PTPRD: variants seen among roughly 807,000 people sequenced by gnomAD.
The protein encoded by PTPRD is receptor-type tyrosine-protein phosphatase delta.
PTPRD carries 34 observed loss-of-function variants against 214.5 expected under a neutral mutation model. That is an observed-to-expected ratio of 0.16 (90% confidence interval 0.12 to 0.21). PTPRD has a LOEUF of 0.21. Ranked by LOEUF, PTPRD falls within the 10% of genes least tolerant of loss-of-function variation. The pLI is 1.00. For missense variants in PTPRD, 2,545 were observed against 2,398.7 expected, an observed-to-expected ratio of 1.06 and a Z score of -1.27; for synonymous variants, 1,128 against 845.7, an observed-to-expected ratio of 1.33 and a Z score of -5.79.
At chr9:10,370,350 G>A (rs908991555) in intron 2 of PTPRD, among the ~76,000 whole-genome samples, 3 of 152,012 alleles carry the variant, frequency 2.0e-5, no homozygotes, top group African/African-American at 7.2e-5. Flanking sequence ...AAGAGTGACT[G>A]CATTAATTTA....
At chr9:9,561,035 G>A (rs149679559) in intron 8 of PTPRD, among the ~76,000 whole-genome samples, 19 of 152,210 alleles carry the variant, frequency 1.2e-4, no homozygotes, top group Non-Finnish European at 1.2e-4. Flanking sequence ...ATGTTGAGCC[G>A]AGCTGAGCCC....
At chr9:9,041,860 C>T (rs1402344883) in intron 10 of PTPRD, among the ~76,000 whole-genome samples, 1 of 152,110 alleles carries the variant, frequency 6.6e-6, no homozygotes, top group Non-Finnish European at 1.5e-5. Context: ...TACTGGCTAT[C>T]TAGGAAAAAT....
intron 10 of PTPRD, among the ~76,000 whole-genome samples, chr9:9,123,465 C>T (rs1377654054): frequency 6.6e-6 from 1 of 152,148 alleles, no homozygotes; most frequent in Admixed American, 6.5e-5. Context: ...AATCACCAGG[C>T]TTATTGTAGT....
chr9:8,845,693 T>A (rs1011303846), intron 11 of PTPRD, among the ~76,000 whole-genome samples: 1 of 152,198 alleles, frequency 6.6e-6, no homozygotes, highest in Admixed American at 6.5e-5. Context: ...CAGCTCAACA[T>A]AAACAAGAGG....
At chr9:9,797,291 T>G (rs2099009176) in intron 5 of PTPRD, among the ~76,000 whole-genome samples, 1 of 148,028 alleles carries the variant, frequency 6.8e-6, no homozygotes, top group Admixed American at 6.8e-5. Flanking sequence ...TTGTTTGGGT[T>G]TTTTTGCATG....
chr9:10,380,839 G>C (rs1014130492), intron 2 of PTPRD, among the ~76,000 whole-genome samples: 8 of 151,752 alleles, frequency 5.3e-5, no homozygotes, highest in Non-Finnish European at 7.4e-5. Context: ...ATGTATATTT[G>C]AGTTCAATTG....
intron 2 of PTPRD, among the ~76,000 whole-genome samples, chr9:10,420,892 T>G (rs894144908): frequency 6.6e-6 from 1 of 151,734 alleles, no homozygotes; most frequent in African/African-American, 2.4e-5. Context: ...TTTCTAAGAC[T>G]CCCACATTTT....
At chr9:10,006,153 C>A (rs547701364) in intron 4 of PTPRD, among the ~76,000 whole-genome samples, 12 of 151,984 alleles carry the variant, frequency 7.9e-5, no homozygotes, top group African/African-American at 2.9e-4. Context: ...AAGAGAAGCA[C>A]TAAAAATGTA....
chr9:10,113,931 C>G (rs930918766), intron 3 of PTPRD, among the ~76,000 whole-genome samples: 1 of 152,106 alleles, frequency 6.6e-6, no homozygotes, highest in Non-Finnish European at 1.5e-5. Context: ...ATAACCTTGG[C>G]CTTTTTAATC....
chr9:10,568,479 C>T (rs902632057), intron 2 of PTPRD, among the ~76,000 whole-genome samples: 30 of 152,076 alleles, frequency 2.0e-4, no homozygotes, highest in African/African-American at 7.0e-4. Context: ...TGGGTATATA[C>T]CCAGTAATGG....
chr9:9,733,475 G>T (rs1022469424), intron 7 of PTPRD, among the ~76,000 whole-genome samples: 4 of 152,110 alleles, frequency 2.6e-5, no homozygotes, highest in Non-Finnish European at 4.4e-5. Context: ...CTGTTTGGTG[G>T]GAAGTGTGAA....
intron 8 of PTPRD, among the ~76,000 whole-genome samples, chr9:9,474,775 T>G (rs1473008014): frequency 6.6e-6 from 1 of 152,160 alleles, no homozygotes; most frequent in Non-Finnish European, 1.5e-5. Context: ...TAATTTTATG[T>G]TAATTTTGTA....
chr9:9,702,454 C>G (rs1020932429), intron 7 of PTPRD, among the ~76,000 whole-genome samples: 2 of 152,074 alleles, frequency 1.3e-5, no homozygotes, highest in Non-Finnish European at 2.9e-5. Flanking sequence ...CTCAGAAAAT[C>G]CTTGCGTTTG....
At chr9:9,860,933 T>G (rs569926919) in intron 5 of PTPRD, among the ~76,000 whole-genome samples, 1 of 152,290 alleles carries the variant, frequency 6.6e-6, no homozygotes, top group South Asian at 2.1e-4. Flanking sequence ...TTAAGAAAAA[T>G]GCAGTTTTGG....
Position 8,440,211 on chromosome 9 carries a change from G to A in PTPRD, c.3989-3522C>T, listed in dbSNP as rs116977059. Among the ~76,000 whole-genome samples the A allele has an allele frequency of 5.1e-3, 778 of 151,912 alleles. 1 individual carries two copies. Among genetic ancestry groups the A allele is most frequent in the Non-Finnish European group, 8.3e-3 (567 of 67,930 alleles). ...CCCCATTAGCAAGCTTTAGTACTCA[G>A]CTATTATTGGCAGCAAAGAACTTGA... On this transcript the variant is annotated intron_variant, in intron 34 of 45. Transcript: ENST00000381196.
intron 4 of PTPRD, among the ~76,000 whole-genome samples, chr9:9,972,826 T>C (rs1392873939): frequency 6.6e-6 from 1 of 152,164 alleles, no homozygotes; most frequent in Non-Finnish European, 1.5e-5. Flanking sequence ...CTACTAACTC[T>C]GAGCCTCTGC....
At chr9:10,305,157 G>A (rs1175760867) in intron 3 of PTPRD, among the ~76,000 whole-genome samples, 2 of 151,988 alleles carry the variant, frequency 1.3e-5, no homozygotes, top group Non-Finnish European at 2.9e-5. Flanking sequence ...AATGGGGAAA[G>A]GATTCCCTAT....
At chr9:8,349,405 G>A (rs754664063) in intron 39 of PTPRD, among the ~76,000 whole-genome samples, 1 of 152,032 alleles carries the variant, frequency 6.6e-6, no homozygotes, top group Non-Finnish European at 1.5e-5. Flanking sequence ...TCACCCATCA[G>A]TATCTGAGTG....
intron 27 of PTPRD, among the ~76,000 whole-genome samples, chr9:8,492,025 C>G (rs2097160973): frequency 6.6e-6 from 1 of 152,190 alleles, no homozygotes; most frequent in Admixed American, 6.5e-5. Flanking sequence ...TTCATGCTGG[C>G]TTTTCCTACT....
Sources: allele counts gnomAD v4.1 joint callset (sites outside exome capture counted in the v4.1 genomes callset), GRCh38; gene constraint gnomAD v4.1.1; transcripts MANE v1.5; gene names NCBI Gene and HGNC (gene_info 2026-07-23, HGNC 2026-07-21).